DYNC1I1: variants seen among roughly 807,000 people sequenced by gnomAD.
DYNC1I1 encodes cytoplasmic dynein 1 intermediate chain 1.
A neutral mutation model predicts 86.6 loss-of-function variants in DYNC1I1; 43 were observed. That is an observed-to-expected ratio of 0.50 (90% CI 0.39 to 0.64). DYNC1I1 has a LOEUF of 0.64. DYNC1I1 is among the 30% of genes least tolerant of loss of function. The pLI is 0.00. For missense variants in DYNC1I1, 604 were observed against 788.8 expected, an observed-to-expected ratio of 0.77 and a Z score of 2.81; for synonymous variants, 262 against 283.7, an observed-to-expected ratio of 0.92 and a Z score of 0.77.
Position 96,097,775 on chromosome 7 carries a change from C to T in DYNC1I1, c.*182C>T. The stretch of plus-strand genomic sequence containing the variant: ...TGTCCCATCATGCTTTCCACTGACC[C>T]AAAATTCACCACAGCATTTCTATCT... On this transcript the variant is annotated 3_prime_UTR_variant, in exon 17 of 17. Coordinates refer to ENST00000447467, the MANE Select transcript of DYNC1I1 (RefSeq NM_001135556.2). 1 of 1,306,732 alleles carries T rather than the reference C, an allele frequency of 7.7e-7. No individual in the cohort carries two copies. Among genetic ancestry groups the T allele is most frequent in the Non-Finnish European group, 9.8e-7 (1 of 1,024,150 alleles). The allele number at this position is 1,306,732 out of a possible 1,614,324, so 80.9% of individuals were successfully genotyped here. A position where few individuals can be genotyped will look rare whatever the true frequency, so the allele number is the denominator to read the frequency against.
At chr7:95,951,197 G>T (rs1204766346) in intron 6 of DYNC1I1, among the ~76,000 whole-genome samples, 8 of 152,254 alleles carry the variant, frequency 5.3e-5, no homozygotes. Flanking sequence ...CTTCAGCGAG[G>T]CTCCAGCTCT....
At chr7:96,027,666 AGT>A (rs1794713594) in intron 10 of DYNC1I1, among the ~76,000 whole-genome samples, 1 of 152,178 alleles carries the variant, frequency 6.6e-6, no homozygotes, top group Non-Finnish European at 1.5e-5. Flanking sequence ...ACTTCCTGGA[AGT>A]CTACATTAAG....
intron 10 of DYNC1I1, among the ~76,000 whole-genome samples, chr7:96,006,432 A>G (rs1235907004): frequency 2.0e-5 from 3 of 152,150 alleles, no homozygotes; most frequent in Non-Finnish European, 4.4e-5. Flanking sequence ...GTTTTATTGC[A>G]TCTTCTCTTG....
At chr7:96,039,217 T>A in intron 13 of DYNC1I1, 60 bp from the exon 14 acceptor site, 1 of 1,544,880 alleles carries the variant, frequency 6.5e-7, no homozygotes, top group Non-Finnish European at 8.7e-7. Context: ...GTTTTGTTTT[T>A]AAGCAATCAT....
At chr7:95,995,788 A>G (rs1793851906) in intron 9 of DYNC1I1, among the ~76,000 whole-genome samples, 160 bp from the exon 10 acceptor site, 1 of 152,198 alleles carries the variant, frequency 6.6e-6, no homozygotes, top group Admixed American at 6.5e-5. Flanking sequence ...CAGAAACAAG[A>G]TTGCAGGAGG....
At chr7:96,037,417 C>T (rs1275804281) in intron 13 of DYNC1I1, among the ~76,000 whole-genome samples, 3 of 152,102 alleles carry the variant, frequency 2.0e-5, no homozygotes, top group Non-Finnish European at 4.4e-5. Flanking sequence ...TAACTGATGA[C>T]GGTGAGAAAG....
chr7:96,097,625 C>A lies in DYNC1I1; in HGVS notation c.*32C>A. The A allele has an allele frequency of 6.2e-7, 1 of 1,612,430 alleles. No homozygotes were observed. On this transcript the variant is annotated 3_prime_UTR_variant, in exon 17 of 17. Transcript: ENST00000447467. ...TGAGCCACCCCCACTGCAGCCCCCA[C>A]CTTTGTGTCCTAGAGCTCAGCGTCT...
chr7:96,037,011 T>G (rs1794942156), intron 13 of DYNC1I1, among the ~76,000 whole-genome samples: 1 of 152,228 alleles, frequency 6.6e-6, no homozygotes, highest in Admixed American at 6.5e-5. Context: ...CTATTAAGAT[T>G]TAATGAAGAA....
downstream of DYNC1I1, among the ~76,000 whole-genome samples, chr7:96,099,636 G>GGA (rs540352035): frequency 1.1e-4 from 16 of 152,198 alleles, 2 homozygotes; most frequent in South Asian, 3.1e-3. Flanking sequence ...CACATGGTGA[G>GGA]GAGAGAGAGA....
At chr7:96,089,069 A>C (rs1790764663) in intron 16 of DYNC1I1, among the ~76,000 whole-genome samples, 1 of 152,018 alleles carries the variant, frequency 6.6e-6, no homozygotes, top group African/African-American at 2.4e-5. Context: ...TCTCAGCATT[A>C]AGGTCCCTTA....
chr7:95,975,834 A>G (rs952172061), intron 6 of DYNC1I1, among the ~76,000 whole-genome samples: 4 of 152,200 alleles, frequency 2.6e-5, no homozygotes, highest in African/African-American at 9.6e-5. Context: ...CTGCCTCTTC[A>G]TCCAAGGATT....
chr7:95,845,818 C>T (rs1237361117), intron 5 of DYNC1I1, among the ~76,000 whole-genome samples: 1 of 152,108 alleles, frequency 6.6e-6, no homozygotes, highest in Non-Finnish European at 1.5e-5. Context: ...AAGCATTTTG[C>T]TCACCATTTG....
chr7:95,870,427 C>T (rs775438462), intron 6 of DYNC1I1, among the ~76,000 whole-genome samples: 2 of 152,244 alleles, frequency 1.3e-5, no homozygotes, highest in Non-Finnish European at 2.9e-5. Flanking sequence ...TGGAATACAG[C>T]TATATCCAAC....
intron 1 of DYNC1I1, among the ~76,000 whole-genome samples, chr7:95,800,234 G>A (rs941645152): frequency 1.3e-5 from 2 of 151,872 alleles, no homozygotes; most frequent in Non-Finnish European, 2.9e-5. Context: ...AATGTAGCAG[G>A]CTCTAGGGAT....
At chr7:95,854,239 C>T (rs1297139213) in intron 5 of DYNC1I1, among the ~76,000 whole-genome samples, 1 of 151,660 alleles carries the variant, frequency 6.6e-6, no homozygotes, top group Admixed American at 6.6e-5. Flanking sequence ...TGCTGTGTTC[C>T]TTTGTAGTTA....
chr7:95,828,154 C>T (rs768650547), intron 5 of DYNC1I1, 38 bp downstream of exon 5: 3 of 1,609,762 alleles, frequency 1.9e-6, no homozygotes, highest in Non-Finnish European at 1.7e-6. Flanking sequence ...TTTATTATTT[C>T]TTTGCTACAG....
At chr7:95,812,721 A>G (rs554153672) in intron 3 of DYNC1I1, among the ~76,000 whole-genome samples, 2 of 152,326 alleles carry the variant, frequency 1.3e-5, no homozygotes, top group South Asian at 4.1e-4. Flanking sequence ...CTCATGGCAA[A>G]CAGCTTATAT....
intron 6 of DYNC1I1, 116 bp from the exon 7 acceptor site, chr7:95,977,396 T>G (rs1331811060): frequency 1.3e-6 from 1 of 784,486 alleles, no homozygotes; most frequent in Non-Finnish European, 2.0e-6. Context: ...ACTGATTTAC[T>G]TAGATGTTGC....
chr7:96,077,239 T>TTTTGTGTGTG (rs1048281059), intron 15 of DYNC1I1, among the ~76,000 whole-genome samples: 6 of 144,434 alleles, frequency 4.2e-5, no homozygotes, highest in African/African-American at 1.6e-4. Context: ...TCCCTAGTAT[T>TTTTGTGTGTG]TGTGTGTGTG....
Sources: gnomAD v4.1 joint callset for allele counts (sites outside exome capture counted in the v4.1 genomes callset) on GRCh38, gnomAD v4.1.1 for gene constraint, MANE v1.5 for transcripts, NCBI Gene and HGNC (gene_info 2026-07-23, HGNC 2026-07-21) for gene names.